The following COG5 variants were observed in gnomAD, a reference collection of about 807,000 sequenced individuals.
COG5 encodes component of oligomeric golgi complex 5, also known as conserved oligomeric Golgi complex subunit 5.
COG5 carries 86 observed loss-of-function variants against 110.4 expected under a neutral mutation model. That is an observed-to-expected ratio of 0.78 (90% CI 0.65 to 0.93). COG5 has a LOEUF of 0.93. Among genes scored for constraint, COG5 ranks in the 40% least tolerant of loss-of-function variants. The pLI is 0.00. For missense variants in COG5, 1,077 were observed against 987.0 expected (o/e 1.09, Z -1.22); for synonymous variants, 360 against 334.6 (o/e 1.08, Z -0.83).
At chr7:107,439,009 T>C (rs911733132) in intron 6 of COG5, among the ~76,000 whole-genome samples, 38 of 152,164 alleles carry the variant, frequency 2.5e-4, no homozygotes, top group Non-Finnish European at 4.6e-4. Flanking sequence ...TTGAATCTCA[T>C]ATCATCAAAC....
Position 107,474,908 on chromosome 7 carries a change from G to C in COG5, c.538+52329C>G, listed in dbSNP as rs2129112828. On this transcript the variant is annotated intron_variant, in intron 6 of 21. Coordinates refer to ENST00000297135, the MANE Select transcript of COG5 (RefSeq NM_006348.5). This position sits in a 1 kb window ranked among gnomAD's most constrained non-coding sequence, Gnocchi z 5.7. ...AGTGGTGGGAGAAATGTAGTCTTTG[G>C]TGTAAGAACTTCAGTTTCTGTAATA... 2.5e-6 allele frequency: 4 copies of C among 1,613,186 alleles called. No individual in the cohort carries two copies. In the East Asian group the frequency reaches 8.9e-5, roughly 36 times the overall value.
At chr7:107,399,652 G>C (rs568820444) in intron 7 of COG5, among the ~76,000 whole-genome samples, 1 of 152,124 alleles carries the variant, frequency 6.6e-6, no homozygotes. Flanking sequence ...TCGTGGGTAC[G>C]TCTTTATAGC....
At chr7:107,435,058 T>A in intron 6 of COG5, among the ~76,000 whole-genome samples, 1 of 151,810 alleles carries the variant, frequency 6.6e-6, no homozygotes, top group East Asian at 1.9e-4. Context: ...CAGTCACAAA[T>A]AGACAAACAC....
At chr7:107,495,023 A>G (rs1798188374) in intron 6 of COG5, among the ~76,000 whole-genome samples, 2 of 152,138 alleles carry the variant, frequency 1.3e-5, no homozygotes, top group African/African-American at 4.8e-5. Context: ...GGGGATTTGG[A>G]GAAAAAAGCA....
intron 19 of COG5, 120 bp from the exon 20 acceptor site, chr7:107,211,345 C>T: frequency 1.8e-6 from 2 of 1,115,500 alleles, no homozygotes; most frequent in Non-Finnish European, 2.7e-6. Context: ...AAGGAGCCCT[C>T]CACTGCTTAA....
intron 18 of COG5, among the ~76,000 whole-genome samples, chr7:107,234,783 T>G (rs1488075617): frequency 6.6e-6 from 1 of 152,134 alleles, no homozygotes; most frequent in East Asian, 1.9e-4. Context: ...TCACACTTTT[T>G]TTTTTTAAAC....
chr7:107,203,584 T>C lies in COG5; in HGVS notation c.2422A>G (p.Lys808Glu), dbSNP rs889191758. The C allele has an allele frequency of 1.2e-6, 2 of 1,614,156 alleles. No homozygotes were observed. The highest frequency in any genetic ancestry group is 1.7e-6 in the Non-Finnish European group (2 of 1,179,996). ...ATGGGATAAACTGGTGCAAATTCTT[T>C]GCCTTCTCTACTTCTCACTGATTGA... ...YVQSVRSREG[K>E]EFAPVYPIMV... Residue 808 changes from lysine (K) to glutamate (E), a missense_variant, in exon 22 of 22, where the codon AAA becomes GAA. By Grantham distance (56) the Lys-to-Glu change is moderately conservative. Transcript: ENST00000297135.
intron 6 of COG5, among the ~76,000 whole-genome samples, chr7:107,512,672 C>A (rs1259319083): frequency 6.6e-6 from 1 of 152,214 alleles, no homozygotes; most frequent in East Asian, 1.9e-4. Context: ...GTAACCAAAG[C>A]AGCATGGTAC....
At chr7:107,215,799 T>C (rs1799486822) in intron 19 of COG5, among the ~76,000 whole-genome samples, 1 of 150,412 alleles carries the variant, frequency 6.6e-6, no homozygotes, top group Admixed American at 6.6e-5. Context: ...AAGCTCTGCC[T>C]CCTGGGTTCA....
rs185827356 is a variant in COG5, at chr7:107,410,662, G to A, written c.669+1840C>T. Among the ~76,000 whole-genome samples, 226 of 152,100 alleles carry A rather than the reference G, an allele frequency of 1.5e-3. 1 individual carries two copies. The highest frequency in any genetic ancestry group is 5.2e-3 in the African/African-American group (216 of 41,502). On this transcript the variant is annotated intron_variant, in intron 7 of 21. Coordinates refer to ENST00000297135, the MANE Select transcript of COG5 (RefSeq NM_006348.5). Reference sequence around the variant, plus strand: ...TCTCCATGTTGGTTAGGCTGGTCTCGAAATCCCAACCTTAGGTGATCTGCC... The same window carrying A: ...TCTCCATGTTGGTTAGGCTGGTCTCAAAATCCCAACCTTAGGTGATCTGCC...
intron 7 of COG5, among the ~76,000 whole-genome samples, chr7:107,376,390 T>C (rs548147335): frequency 3.3e-5 from 5 of 152,138 alleles, no homozygotes; most frequent in African/African-American, 1.2e-4. Context: ...ATCTTTGTAA[T>C]ATTGAGTTCT....
At position 107,210,562 on chromosome 7, in the gene COG5, T is replaced by C; in HGVS notation, c.2339A>G (p.Asp780Gly). The C allele has an allele frequency of 6.2e-7, 1 of 1,604,382 alleles. No individual in the cohort carries two copies. Residue 780 changes from aspartate (D) to glycine (G), a missense_variant, in exon 21 of 22, where the codon GAC becomes GGC. Physicochemically the swap from Asp to Gly is moderately conservative, Grantham distance 94. Coordinates refer to ENST00000297135, the MANE Select transcript of COG5 (RefSeq NM_006348.5). Reference sequence around the variant, plus strand: ...GAGCCTGTCCTTTTCAGATGGATGGTCATCCAGCCACTGAGAGAAGCGTGT... The same window carrying C: ...GAGCCTGTCCTTTTCAGATGGATGGCCATCCAGCCACTGAGAGAAGCGTGT... ...SHTRFSQWLDDHPSEKDRLLL... is the reference protein window; with the variant it reads ...SHTRFSQWLDGHPSEKDRLLL...
intron 20 of COG5, 96 bp from the exon 21 acceptor site, chr7:107,210,701 G>T: frequency 7.4e-7 from 1 of 1,343,410 alleles, no homozygotes; most frequent in Non-Finnish European, 1.0e-6. Flanking sequence ...GTATTCCCAA[G>T]GTGAAACTGC....
chr7:107,474,422 G>C lies in COG5; in HGVS notation c.538+52815C>G. 6.2e-7 allele frequency: 1 copy of C among 1,613,146 alleles called. No homozygotes were observed. The highest frequency in any genetic ancestry group is 8.5e-7 in the Non-Finnish European group (1 of 1,179,366). Reference sequence around the variant, plus strand: ...CTCATTTGCTGTTTCCATGAGGCTTGTGTATCTTTTGCAAGTGTCTCAACA... The same window carrying C: ...CTCATTTGCTGTTTCCATGAGGCTTCTGTATCTTTTGCAAGTGTCTCAACA... On this transcript the variant is annotated intron_variant, in intron 6 of 21. Coordinates refer to ENST00000297135, the MANE Select transcript of COG5 (RefSeq NM_006348.5). The surrounding 1 kb of genome is among the most constrained non-coding windows in gnomAD (Gnocchi z 5.7).
At chr7:107,306,151 T>C (rs1807698018) in intron 11 of COG5, among the ~76,000 whole-genome samples, 1 of 152,100 alleles carries the variant, frequency 6.6e-6, no homozygotes, top group Non-Finnish European at 1.5e-5. Flanking sequence ...TCCTTTCTAA[T>C]ACAAAACAAT....
chr7:107,277,969 T>G (rs1804836956), intron 14 of COG5, among the ~76,000 whole-genome samples: 1 of 152,140 alleles, frequency 6.6e-6, no homozygotes, highest in Admixed American at 6.6e-5. Context: ...CCCAGAATAT[T>G]AAAAATCAGC....
chr7:107,264,136 A>G (rs1803598242), intron 14 of COG5, among the ~76,000 whole-genome samples: 1 of 152,068 alleles, frequency 6.6e-6, no homozygotes, highest in South Asian at 2.1e-4. Context: ...ATTTATGCCC[A>G]CTCCCATGCA....
chr7:107,296,470 A>G (rs1228987989), intron 12 of COG5, among the ~76,000 whole-genome samples: 1 of 151,872 alleles, frequency 6.6e-6, no homozygotes, highest in Non-Finnish European at 1.5e-5. Context: ...TGCCCTCTCT[A>G]TTAGGACTTA....
At chr7:107,216,737 G>GATAC (rs1311020329) in intron 19 of COG5, among the ~76,000 whole-genome samples, 1 of 152,074 alleles carries the variant, frequency 6.6e-6, no homozygotes, top group African/African-American at 2.4e-5. Flanking sequence ...AAACGTATGG[G>GATAC]ATACAGCAAA....
Sources: gnomAD v4.1 joint callset for allele counts (sites outside exome capture counted in the v4.1 genomes callset) on GRCh38, gnomAD v4.1.1 for gene constraint, Gnocchi (gnomAD v3.1) non-coding constraint, MANE v1.5 for transcripts, NCBI Gene and HGNC (gene_info 2026-07-23, HGNC 2026-07-21) for gene names.